RERE: variants seen among roughly 807,000 people sequenced by gnomAD.
RERE encodes arginine-glutamic acid dipeptide repeats protein.
RERE carries 40 observed loss-of-function variants against 146.1 expected under a neutral mutation model. That is an observed-to-expected ratio of 0.27 (90% CI 0.21 to 0.36). The LOEUF (loss-of-function observed/expected upper bound fraction) is 0.36, where lower values mean the gene tolerates loss of function less well. RERE is among the 10% of genes least tolerant of loss of function. The probability of loss-of-function intolerance (pLI) is 1.00; values close to 1 mark genes in which losing one functional copy is unlikely to be tolerated. For synonymous variants in RERE, 1,003 were observed against 866.0 expected (o/e 1.16, Z -2.78); for missense variants, 1,933 against 2,138.7 (o/e 0.90, Z 1.90).
chr1:8,674,863 T>G (rs1388210254), intron 1 of RERE, among the ~76,000 whole-genome samples: 1 of 152,224 alleles, frequency 6.6e-6, no homozygotes, highest in African/African-American at 2.4e-5. Flanking sequence ...TAGTCTCTAG[T>G]GACCCTTCAG....
At chr1:8,516,366 G>A (rs997673828) in intron 7 of RERE, among the ~76,000 whole-genome samples, 1 of 151,682 alleles carries the variant, frequency 6.6e-6, no homozygotes, top group African/African-American at 2.4e-5. Flanking sequence ...ACAACTCTAT[G>A]AGGCAGTATC....
intron 4 of RERE, among the ~76,000 whole-genome samples, chr1:8,605,745 C>CAAAAAAAAAAAAAAAAAA (rs564574812): frequency 1.5e-4 from 10 of 64,534 alleles, no homozygotes; most frequent in African/African-American, 4.9e-4. Flanking sequence ...ACCCCATCTC[C>CAAAAAAAAAAAAAAAAAA]AAAAAAAAAA....
At position 8,361,465 on chromosome 1, in the gene RERE, G is replaced by C; in HGVS notation, c.2042C>G (p.Ser681Cys). ...TQEISRPNSPSEGEGESSDSR... is the reference protein window; with the variant it reads ...TQEISRPNSPCEGEGESSDSR... ...GTCTGAACTCTCTCCCTCACCTTCA[G>C]ATGGCGAGTTGGGCCTGCTGATCTC... is the stretch of plus-strand genomic sequence containing the variant. Residue 681 changes from serine (S) to cysteine (C), a missense_variant, in exon 18 of 23, where the codon TCT (serine) becomes TGT (cysteine). Ser to Cys is a moderately radical substitution (Grantham distance 112). Transcript: ENST00000400908. 6.2e-7 allele frequency: 1 copy of C among 1,612,660 alleles called. No individual in the cohort carries two copies. The highest frequency in any genetic ancestry group is 8.5e-7 in the Non-Finnish European group (1 of 1,179,974).
At chr1:8,730,671 T>C (rs537225237) in intron 1 of RERE, among the ~76,000 whole-genome samples, 1 of 152,168 alleles carries the variant, frequency 6.6e-6, no homozygotes, top group South Asian at 2.1e-4. Flanking sequence ...CAGAGTCTTG[T>C]TCTGTCACCC....
In RERE at chr1:8,695,743, G is replaced by C. The variant is rs1459772513; in HGVS notation, c.-144-39302C>G. On this transcript the variant is annotated intron_variant, in intron 1 of 22. Transcript: ENST00000400908. Reference sequence around the variant, plus strand: ...CCACTGCACTCCAGTCTGGGTAACAGGGTGAGACTCCAACTCAAAAAAACA... The same window carrying C: ...CCACTGCACTCCAGTCTGGGTAACACGGTGAGACTCCAACTCAAAAAAACA... Among the ~76,000 whole-genome samples, 4 of 152,020 alleles carry C rather than the reference G, an allele frequency of 2.6e-5. No homozygotes were observed. The East Asian group carries it at 5.8e-4, about 22-fold the overall frequency.
intron 9 of RERE, among the ~76,000 whole-genome samples, chr1:8,496,220 T>C (rs1449109947): frequency 1.3e-5 from 2 of 150,718 alleles, no homozygotes; most frequent in Non-Finnish European, 2.9e-5. Flanking sequence ...ACTTACACAT[T>C]CTCATCTCTA....
intron 4 of RERE, among the ~76,000 whole-genome samples, chr1:8,589,114 A>T (rs1378581951): frequency 6.6e-6 from 1 of 151,906 alleles, no homozygotes; most frequent in African/African-American, 2.4e-5. Context: ...ACTGAGCAGG[A>T]CTCTGTCCCA....
At chr1:8,494,503 G>C (rs183490713) in intron 10 of RERE, among the ~76,000 whole-genome samples, 1 of 152,184 alleles carries the variant, frequency 6.6e-6, no homozygotes, top group African/African-American at 2.4e-5. Context: ...GAGGTGGGAG[G>C]ATCACAAGGT....
At chr1:8,508,260 T>C (rs113424587) in intron 8 of RERE, among the ~76,000 whole-genome samples, 2 of 152,318 alleles carry the variant, frequency 1.3e-5, no homozygotes, top group African/African-American at 4.8e-5. Flanking sequence ...GGTACTTTTA[T>C]GAGGCAGAAC....
chr1:8,514,675 C>G (rs1645389487), intron 7 of RERE, among the ~76,000 whole-genome samples: 1 of 151,786 alleles, frequency 6.6e-6, no homozygotes, highest in South Asian at 2.1e-4. Flanking sequence ...TTACAGTGAG[C>G]TGAGGTCACA....
intron 6 of RERE, among the ~76,000 whole-genome samples, chr1:8,551,259 G>C (rs1256209631): frequency 6.6e-6 from 1 of 152,188 alleles, no homozygotes; most frequent in Non-Finnish European, 1.5e-5. Flanking sequence ...ACTGATGCGA[G>C]TACACAATAA....
chr1:8,454,679 G>A (rs765576679), intron 11 of RERE, among the ~76,000 whole-genome samples: 2 of 151,954 alleles, frequency 1.3e-5, no homozygotes, highest in Non-Finnish European at 2.9e-5. Flanking sequence ...GTGGTGTGAG[G>A]ATGTAATCCC....
chr1:8,595,665 C>G (rs1433016258), intron 4 of RERE, among the ~76,000 whole-genome samples: 2 of 152,034 alleles, frequency 1.3e-5, no homozygotes, highest in Non-Finnish European at 2.9e-5. Flanking sequence ...AGCATTTAAA[C>G]ATGTTATAAA....
At position 8,522,968 on chromosome 1, in the gene RERE, G is replaced by C. The variant is rs546898458; in HGVS notation, c.831-14293C>G. On this transcript the variant is annotated intron_variant, in intron 7 of 22. Coordinates refer to ENST00000400908, the MANE Select transcript of RERE (RefSeq NM_001042681.2). ...AGGCAGCATGGATTGCTTGAGGCCA[G>C]AAGTTTAAGACCAACCTGGGCAACA... 5.3e-5 allele frequency among the ~76,000 whole-genome samples: 8 copies of C among 152,156 alleles called. No individual in the cohort carries two copies. In the East Asian group the frequency reaches 1.2e-3, roughly 22 times the overall value.
At chr1:8,804,095 A>G (rs1641639454) in intron 1 of RERE, among the ~76,000 whole-genome samples, 1 of 152,230 alleles carries the variant, frequency 6.6e-6, no homozygotes, top group Non-Finnish European at 1.5e-5. Context: ...GTTAAAAATT[A>G]AGTCTCAACA....
chr1:8,367,630 G>A (rs1051961041), intron 12 of RERE, among the ~76,000 whole-genome samples: 6 of 152,198 alleles, frequency 3.9e-5, no homozygotes, highest in Admixed American at 1.3e-4. Context: ...GTCCCTACAC[G>A]TATGTGCATG....
chr1:8,394,049 C>T (rs554603422), intron 12 of RERE, among the ~76,000 whole-genome samples: 1 of 152,156 alleles, frequency 6.6e-6, no homozygotes, highest in African/African-American at 2.4e-5. Flanking sequence ...GATTTCTCCA[C>T]TAAGGGCTCC....
At chr1:8,795,043 C>T (rs1276775756) in intron 1 of RERE, among the ~76,000 whole-genome samples, 1 of 151,950 alleles carries the variant, frequency 6.6e-6, no homozygotes, top group African/African-American at 2.4e-5. Flanking sequence ...TTTTATTCCC[C>T]GCAAGACGGA....
At chr1:8,517,183 A>T (rs1645431619) in intron 7 of RERE, among the ~76,000 whole-genome samples, 1 of 152,196 alleles carries the variant, frequency 6.6e-6, no homozygotes, top group Non-Finnish European at 1.5e-5. Context: ...CAAAAAATTT[A>T]AAGTTTTAAA....
Sources: gnomAD v4.1 joint callset for allele counts (sites outside exome capture counted in the v4.1 genomes callset) on GRCh38, gnomAD v4.1.1 for gene constraint, MANE v1.5 for transcripts, NCBI Gene and HGNC (gene_info 2026-07-23, HGNC 2026-07-21) for gene names.